The following MAPK10 variants were observed in gnomAD, a reference collection of about 807,000 sequenced individuals.
MAPK10 encodes JNK3 alpha protein kinase.
Under a neutral mutation model 59.3 loss-of-function variants are expected in MAPK10, and 25 were observed. The observed-to-expected ratio is 0.42, with a 90% CI of 0.31 to 0.59. MAPK10 has a LOEUF of 0.59. Among genes scored for constraint, MAPK10 ranks in the 20% least tolerant of loss-of-function variants. The probability of loss-of-function intolerance (pLI) is 0.15; values close to 1 mark genes in which losing one functional copy is unlikely to be tolerated. For missense variants in MAPK10, 351 were observed against 568.9 expected (o/e 0.62, Z 3.90); for synonymous variants, 190 against 200.5 (o/e 0.95, Z 0.44).
chr4:86,532,044 T>C (rs1242253215), intron 1 of MAPK10, among the ~76,000 whole-genome samples: 1 of 147,816 alleles, frequency 6.8e-6, no homozygotes, highest in Non-Finnish European at 1.5e-5. Flanking sequence ...TAATTACATA[T>C]ATATATTATT....
intron 1 of MAPK10, among the ~76,000 whole-genome samples, chr4:86,519,678 T>TTGTG (rs771062414): frequency 6.6e-6 from 1 of 151,756 alleles, no homozygotes; most frequent in African/African-American, 2.4e-5. Context: ...ATACCTCATT[T>TTGTG]TGTGTGTGTG....
chr4:86,238,056 T>TGCCTATGACTTGTCAGTTTTCC (rs1286479024), intron 2 of MAPK10, among the ~76,000 whole-genome samples: 29 of 152,370 alleles, frequency 1.9e-4, no homozygotes, highest in African/African-American at 6.7e-4. Flanking sequence ...TTCAATTTTC[T>TGCCTATGACTTGTCAGTTTTCC]GCCTATGACT....
At chr4:86,029,347 C>A in intron 12 of MAPK10, 73 bp from the exon 13 acceptor site, 3 of 889,000 alleles carry the variant, frequency 3.4e-6, no homozygotes, top group South Asian at 1.4e-5. Context: ...TTACTTAATG[C>A]CAAATAATTA....
At chr4:86,514,863 C>A (rs189363391) in intron 1 of MAPK10, among the ~76,000 whole-genome samples, 1 of 152,132 alleles carries the variant, frequency 6.6e-6, no homozygotes, top group East Asian at 1.9e-4. Flanking sequence ...ATTATTATTT[C>A]AATAGTTTTG....
chr4:86,568,853 C>T (rs1392406988), intron 1 of MAPK10, among the ~76,000 whole-genome samples: 1 of 151,826 alleles, frequency 6.6e-6, no homozygotes, highest in East Asian at 1.9e-4. Context: ...AAAAGAAAAC[C>T]TAGGAATAGC....
rs750143216 is a variant in MAPK10 at position 86,101,945 on chromosome 4, G to A, written c.513C>T (p.Tyr171=). The A allele has an allele frequency of 5.0e-6, 8 of 1,614,024 alleles. No homozygotes were observed. In the South Asian group the frequency reaches 6.6e-5, roughly 13 times the overall value. Residue 171 remains tyrosine (Y), a synonymous_variant, in exon 7 of 14, where the codon TAC becomes TAT. Coordinates refer to ENST00000641462, the MANE Select transcript of MAPK10 (RefSeq NM_138982.4). ...LDHERMSYLL[Y]QMLCGIKHLH... is the part of the protein sequence containing the mutation. ...GGTGCTTAATGCCACACAACATTTG[G>A]TACAGCAGGTAAGACATTCGCTCAT...
intron 9 of MAPK10, among the ~76,000 whole-genome samples, chr4:86,076,157 C>T (rs569503499): frequency 2.0e-5 from 3 of 152,284 alleles, no homozygotes; most frequent in Admixed American, 6.5e-5. Context: ...ACCCGATTTT[C>T]CAGGTGCGTC....
At chr4:86,098,125 T>C (rs1252311209) in intron 9 of MAPK10, among the ~76,000 whole-genome samples, 1 of 152,196 alleles carries the variant, frequency 6.6e-6, no homozygotes, top group African/African-American at 2.4e-5. Context: ...GAGCAATTAT[T>C]ATGCCTAAAT....
chr4:86,187,267 T>C lies in MAPK10; in HGVS notation c.66+7069A>G, dbSNP rs74345333. ...AAGATATTAACAACAATAACTAATA[T>C]AAAATAGAACAATTAAGTAAAATAA... On this transcript the variant is annotated intron_variant, in intron 3 of 13. Coordinates refer to ENST00000641462, the MANE Select transcript of MAPK10 (RefSeq NM_138982.4). 1.6e-4 allele frequency among the ~76,000 whole-genome samples: 24 copies of C among 152,202 alleles called. No homozygotes were observed. The East Asian group carries it at 4.3e-3, about 27-fold the overall frequency.
chr4:86,581,259 A>T (rs1477870259), intron 1 of MAPK10, among the ~76,000 whole-genome samples: 1 of 147,518 alleles, frequency 6.8e-6, no homozygotes, highest in Admixed American at 6.8e-5. Flanking sequence ...TCTGAAATTT[A>T]AAAAAAAAAA....
chr4:86,576,694 G>A (rs1401171219), intron 1 of MAPK10, among the ~76,000 whole-genome samples: 1 of 151,828 alleles, frequency 6.6e-6, no homozygotes, highest in Non-Finnish European at 1.5e-5. Context: ...AGAATGGCAT[G>A]AACCCGGGAG....
intron 2 of MAPK10, among the ~76,000 whole-genome samples, chr4:86,349,635 T>A (rs1730133915): frequency 6.6e-6 from 1 of 152,198 alleles, no homozygotes; most frequent in African/African-American, 2.4e-5. Context: ...ATGAAAGGGA[T>A]CTGAGAGGTT....
At chr4:86,477,722 A>T (rs1753226322) in intron 1 of MAPK10, among the ~76,000 whole-genome samples, 1 of 152,156 alleles carries the variant, frequency 6.6e-6, no homozygotes. Context: ...TTAGTTCAGG[A>T]TCTGCACCTT....
intron 2 of MAPK10, among the ~76,000 whole-genome samples, chr4:86,246,998 A>G (rs2093137162): frequency 6.6e-6 from 1 of 152,144 alleles, no homozygotes; most frequent in African/African-American, 2.4e-5. Context: ...AAGAATCTTT[A>G]CTCCTTGGTG....
chr4:86,097,075 T>C (rs2054367689), intron 9 of MAPK10, among the ~76,000 whole-genome samples: 1 of 152,022 alleles, frequency 6.6e-6, no homozygotes, highest in Non-Finnish European at 1.5e-5. Context: ...TAACCCAATA[T>C]ATTCATAATG....
At chr4:86,181,256 G>C (rs2076884798) in intron 3 of MAPK10, among the ~76,000 whole-genome samples, 2 of 152,000 alleles carry the variant, frequency 1.3e-5, no homozygotes, top group Non-Finnish European at 2.9e-5. Context: ...ATCAGTCAAC[G>C]AGTAGATAAG....
chr4:86,473,486 C>T (rs1332143569), intron 1 of MAPK10, among the ~76,000 whole-genome samples: 2 of 152,174 alleles, frequency 1.3e-5, no homozygotes, highest in African/African-American at 4.8e-5. Context: ...GTAAGATTTA[C>T]ATAGCTGAGT....
chr4:86,159,273 A>T (rs752892888), intron 4 of MAPK10, 25 bp downstream of exon 4: 13 of 1,565,466 alleles, frequency 8.3e-6, no homozygotes, highest in Non-Finnish European at 1.1e-5. Flanking sequence ...TCCCTTTAAA[A>T]ATACAGCAAA....
intron 1 of MAPK10, among the ~76,000 whole-genome samples, chr4:86,506,238 G>A (rs1755726376): frequency 6.6e-6 from 1 of 152,152 alleles, no homozygotes; most frequent in African/African-American, 2.4e-5. Context: ...TTGAGGAACT[G>A]TCCTCTGAAT....
Sources: gnomAD v4.1 joint callset for allele counts (sites outside exome capture counted in the v4.1 genomes callset) on GRCh38, gnomAD v4.1.1 for gene constraint, MANE v1.5 for transcripts, NCBI Gene and HGNC (gene_info 2026-07-23, HGNC 2026-07-21) for gene names.